GLCCI1: variants seen among roughly 807,000 people sequenced by gnomAD.
The protein encoded by GLCCI1 is glucocorticoid-induced transcript 1 protein.
GLCCI1 carries 24 observed loss-of-function variants against 52.2 expected under a neutral mutation model. That is an observed-to-expected ratio of 0.46 (90% confidence interval 0.33 to 0.65). The LOEUF is 0.65. Among genes scored for constraint, GLCCI1 ranks in the 30% least tolerant of loss-of-function variants. The probability of loss-of-function intolerance (pLI) is 0.02; values close to 1 mark genes in which losing one functional copy is unlikely to be tolerated. For missense variants in GLCCI1, 704 were observed against 701.5 expected (o/e 1.00, Z -0.04); for synonymous variants, 310 against 276.5 (o/e 1.12, Z -1.20).
chr7:8,067,368 C>G (rs1782653590), intron 5 of GLCCI1, among the ~76,000 whole-genome samples: 1 of 152,108 alleles, frequency 6.6e-6, no homozygotes. Flanking sequence ...GACATTTAAT[C>G]CATTTACATT....
At chr7:8,055,062 T>G (rs970780385) in intron 3 of GLCCI1, among the ~76,000 whole-genome samples, 1 of 152,176 alleles carries the variant, frequency 6.6e-6, no homozygotes, top group East Asian at 1.9e-4. Flanking sequence ...ATGTGGTGCA[T>G]ATGTTTAGAG....
intron 1 of GLCCI1, among the ~76,000 whole-genome samples, chr7:7,970,962 GA>G (rs1247889909): frequency 6.6e-6 from 1 of 151,794 alleles, no homozygotes; most frequent in African/African-American, 2.4e-5. Context: ...CTTTCTTGAT[GA>G]AGGTGTTAGA....
In GLCCI1 at chr7:8,086,206, A is replaced by C; in HGVS notation, c.1312A>C (p.Ile438Leu). 1 of 1,613,286 alleles carries C rather than the reference A, an allele frequency of 6.2e-7. No individual in the cohort carries two copies. Among genetic ancestry groups the C allele is most frequent in the East Asian group, 2.2e-5 (1 of 44,882 alleles). ...VFEEMASRQPISAPLFSCPDK... is the reference protein window; with the variant it reads ...VFEEMASRQPLSAPLFSCPDK... ...TTATGGTTTTAGGTCTCGTCAGCCT[A>C]TCTCGGCCCCTCTCTTTTCATGTCC... Residue 438 changes from isoleucine (I) to leucine (L), a missense_variant, in exon 8 of 8, where the codon ATC (isoleucine) becomes CTC (leucine). This residue lies in a region of GLCCI1 where 149 missense variants were observed against 152.9 expected (regional missense o/e 0.97). Transcript: ENST00000223145. This position sits in a 1 kb window ranked among gnomAD's most constrained non-coding sequence, Gnocchi z 4.4.
At chr7:8,066,180 A>T (rs73053556) in intron 5 of GLCCI1, among the ~76,000 whole-genome samples, 1 of 152,044 alleles carries the variant, frequency 6.6e-6, no homozygotes, top group African/African-American at 2.4e-5. Context: ...TCTAGCTTGT[A>T]TGCACAGAGG....
At chr7:8,034,854 C>T (rs1456829551) in intron 3 of GLCCI1, among the ~76,000 whole-genome samples, 2 of 152,196 alleles carry the variant, frequency 1.3e-5, no homozygotes, top group Non-Finnish European at 2.9e-5. Context: ...TTCAAGAGTT[C>T]CTCTGCCCTT....
intron 3 of GLCCI1, among the ~76,000 whole-genome samples, chr7:8,033,486 T>G (rs1781801562): frequency 6.6e-6 from 1 of 152,066 alleles, no homozygotes; most frequent in African/African-American, 2.4e-5. Flanking sequence ...GAAGACATAA[T>G]CCTATATGTA....
At chr7:8,046,530 A>G (rs984664439) in intron 3 of GLCCI1, among the ~76,000 whole-genome samples, 1 of 152,214 alleles carries the variant, frequency 6.6e-6, no homozygotes, top group Non-Finnish European at 1.5e-5. Context: ...TCTGCATGAT[A>G]AAAGTTTGGT....
intron 1 of GLCCI1, among the ~76,000 whole-genome samples, chr7:7,973,073 A>C (rs2115400064): frequency 6.6e-6 from 1 of 152,220 alleles, no homozygotes; most frequent in Non-Finnish European, 1.5e-5. Flanking sequence ...AGGGTATTGC[A>C]GTGGTGAATG....
chr7:8,020,898 C>T (rs1781470599), intron 2 of GLCCI1, among the ~76,000 whole-genome samples: 5 of 152,094 alleles, frequency 3.3e-5, no homozygotes, highest in Admixed American at 3.3e-4. Flanking sequence ...GAATTATTTT[C>T]AGAGTACGTC....
At position 8,084,358 on chromosome 7, in the gene GLCCI1, GTTT is replaced by G. The variant is rs145277410; in HGVS notation, c.1178-535_1178-533del. On this transcript the variant is annotated intron_variant, in intron 6 of 7. Coordinates refer to ENST00000223145, the MANE Select transcript of GLCCI1 (RefSeq NM_138426.4). The stretch of plus-strand genomic sequence containing the variant: ...TTAAAGGTAAAATTCTGAGCAAATT[GTTT>G]TTTATGTTGGGTAGGTAGAAAGAGA... 3.6e-3 allele frequency among the ~76,000 whole-genome samples: 542 copies of G among 152,224 alleles called. 1 individual carries two copies. The highest frequency in any genetic ancestry group is 5.4e-3 in the African/African-American group (226 of 41,534).
chr7:8,057,615 A>G (rs895208592), intron 4 of GLCCI1, among the ~76,000 whole-genome samples: 2 of 152,164 alleles, frequency 1.3e-5, no homozygotes, highest in Non-Finnish European at 2.9e-5. Flanking sequence ...AACAAACTGC[A>G]TACTTAAAAT....
intron 1 of GLCCI1, among the ~76,000 whole-genome samples, chr7:7,973,413 CGTGTGTGTGT>C (rs57135358): frequency 2.2e-4 from 32 of 147,692 alleles, no homozygotes; most frequent in African/African-American, 7.4e-4. Context: ...TCTTTGTGTG[CGTGTGTGTGT>C]GTGTGTGTGT....
chr7:8,060,294 C>G (rs778209167), intron 5 of GLCCI1, 46 bp downstream of exon 5: 2 of 1,475,524 alleles, frequency 1.4e-6, no homozygotes, highest in East Asian at 2.3e-5. Context: ...TCTGATATAA[C>G]GAACTGTCTG....
intron 6 of GLCCI1, among the ~76,000 whole-genome samples, chr7:8,077,392 C>G (rs1321964073): frequency 1.3e-5 from 2 of 152,208 alleles, no homozygotes; most frequent in Non-Finnish European, 2.9e-5. Flanking sequence ...TTGGAAGGAA[C>G]TTGATCATCT....
rs1783115326 is a variant in GLCCI1 at position 8,086,744 on chromosome 7, G to C, written c.*206G>C. 3.6e-6 allele frequency: 2 copies of C among 548,978 alleles called. No homozygotes were observed. The highest frequency in any genetic ancestry group is 3.8e-5 in the African/African-American group (2 of 53,214). The allele number at this position is 548,978 out of a possible 1,614,324, so 34.0% of individuals were successfully genotyped here. A position where few individuals can be genotyped will look rare whatever the true frequency, so the allele number is the denominator to read the frequency against. ...AAGCAGTAATGCTTGCAAAACGTGT[G>C]TGTCATTCAGCATTTTAAGTGGAGA... is the stretch of plus-strand genomic sequence containing the variant. On this transcript the variant is annotated 3_prime_UTR_variant, in exon 8 of 8. Transcript: ENST00000223145. The surrounding 1 kb of genome is among the most constrained non-coding windows in gnomAD (Gnocchi z 4.4).
chr7:8,010,851 A>G (rs1051724560), intron 2 of GLCCI1, among the ~76,000 whole-genome samples: 2 of 152,184 alleles, frequency 1.3e-5, no homozygotes, highest in Non-Finnish European at 2.9e-5. Context: ...ACTTTATATC[A>G]TATTACTGAC....
At chr7:8,003,243 C>G (rs1400797730) in intron 1 of GLCCI1, among the ~76,000 whole-genome samples, 1 of 152,098 alleles carries the variant, frequency 6.6e-6, no homozygotes. Context: ...ATTAGGGAAA[C>G]TTTCACAGAG....
intron 2 of GLCCI1, among the ~76,000 whole-genome samples, chr7:8,014,601 T>C (rs938645549): frequency 6.6e-6 from 1 of 152,224 alleles, no homozygotes; most frequent in Non-Finnish European, 1.5e-5. Context: ...ATTTCCTTCC[T>C]CTGTGCTCTA....
chr7:8,085,029 CT>C lies in GLCCI1; in HGVS notation c.1298+18del. On this transcript the variant is annotated intron_variant, in intron 7 of 7. Transcript: ENST00000223145. ...TTTGAGGAAATGGCGTAAGTAATGT[CT>C]TTTTTGTCAGCTGGGATCTGCAAAG... The C allele has an allele frequency of 5.6e-6, 9 of 1,613,262 alleles. No homozygotes were observed. The highest frequency in any genetic ancestry group is 2.2e-5 in the East Asian group (1 of 44,852).
Sources: gnomAD v4.1 joint callset for allele counts (sites outside exome capture counted in the v4.1 genomes callset) on GRCh38, gnomAD v4.1.1 for gene constraint, gnomAD v4.1.1 regional missense constraint, Gnocchi (gnomAD v3.1) non-coding constraint, MANE v1.5 for transcripts, NCBI Gene and HGNC (gene_info 2026-07-23, HGNC 2026-07-21) for gene names.